The following DSCAM variants were observed in gnomAD, a reference collection of about 807,000 sequenced individuals.
DSCAM encodes the protein cell adhesion molecule DSCAM.
Under a neutral mutation model 217.7 loss-of-function variants are expected in DSCAM, and 47 were observed. The ratio of observed to expected loss-of-function variants is 0.22; its 90% CI spans 0.17 to 0.28. DSCAM has a LOEUF of 0.28. DSCAM is among the 10% of genes least tolerant of loss of function. DSCAM has a pLI of 1.00. For missense variants in DSCAM, 2,080 were observed against 2,618.3 expected (o/e 0.79, Z 4.49); for synonymous variants, 1,056 against 1,015.3 (o/e 1.04, Z -0.76).
intron 9 of DSCAM, among the ~76,000 whole-genome samples, chr21:40,304,656 C>T (rs1369303174): frequency 6.6e-6 from 1 of 152,176 alleles, no homozygotes; most frequent in Non-Finnish European, 1.5e-5. Flanking sequence ...CTCACTGAAA[C>T]ACCGGAGACT....
At chr21:40,631,350 C>G (rs886789231) in intron 3 of DSCAM, among the ~76,000 whole-genome samples, 2 of 152,182 alleles carry the variant, frequency 1.3e-5, no homozygotes, top group African/African-American at 4.8e-5. Flanking sequence ...GATTCCTTTC[C>G]CTAGCTGTCA....
chr21:40,676,552 TTTG>T (rs2090341739), intron 3 of DSCAM, among the ~76,000 whole-genome samples: 2 of 152,194 alleles, frequency 1.3e-5, no homozygotes, highest in Non-Finnish European at 2.9e-5. Flanking sequence ...TGCTTGTTTT[TTTG>T]TTTTGTTTTG....
At chr21:40,244,120 C>T (rs1213594003) in intron 11 of DSCAM, among the ~76,000 whole-genome samples, 3 of 152,156 alleles carry the variant, frequency 2.0e-5, no homozygotes, top group Non-Finnish European at 4.4e-5. Flanking sequence ...TATCTTATGA[C>T]TTTTATCATA....
At chr21:40,134,122 C>T (rs1301091979) in intron 18 of DSCAM, 113 bp from the exon 19 acceptor site, 6 of 1,327,716 alleles carry the variant, frequency 4.5e-6, no homozygotes, top group Non-Finnish European at 6.1e-6. Context: ...GTCCAGCCAT[C>T]ATCTGGACAC....
At chr21:40,403,738 T>C (rs935108358) in intron 3 of DSCAM, among the ~76,000 whole-genome samples, 3 of 151,766 alleles carry the variant, frequency 2.0e-5, no homozygotes, top group African/African-American at 7.3e-5. Flanking sequence ...CAAAAGAAGA[T>C]AGTTGAGCCT....
At chr21:40,458,548 A>G (rs1466477391) in intron 3 of DSCAM, among the ~76,000 whole-genome samples, 1 of 152,198 alleles carries the variant, frequency 6.6e-6, no homozygotes, top group Non-Finnish European at 1.5e-5. Flanking sequence ...GCATGAGGAA[A>G]GCAAAAGGAA....
intron 10 of DSCAM, among the ~76,000 whole-genome samples, chr21:40,285,140 G>C (rs1040632422): frequency 1.3e-5 from 2 of 152,110 alleles, no homozygotes; most frequent in Non-Finnish European, 1.5e-5. Context: ...TTCAGCACTC[G>C]TCAAGGGGTC....
chr21:40,822,978 C>A (rs1040153660), intron 1 of DSCAM, among the ~76,000 whole-genome samples: 1 of 152,006 alleles, frequency 6.6e-6, no homozygotes, highest in Non-Finnish European at 1.5e-5. Context: ...GGCGAAACCC[C>A]GTCTCTACTA....
At chr21:40,300,139 G>A (rs1186212390) in intron 9 of DSCAM, among the ~76,000 whole-genome samples, 3 of 152,028 alleles carry the variant, frequency 2.0e-5, no homozygotes, top group Non-Finnish European at 2.9e-5. Flanking sequence ...AACCTCCTGA[G>A]CTATTTCACC....
At chr21:40,538,377 G>C (rs1331156565) in intron 3 of DSCAM, among the ~76,000 whole-genome samples, 1 of 152,128 alleles carries the variant, frequency 6.6e-6, no homozygotes, top group Non-Finnish European at 1.5e-5. Flanking sequence ...GGAGCTGTTG[G>C]CTTCAACCAA....
At chr21:40,185,145 G>A (rs752214890) in intron 14 of DSCAM, among the ~76,000 whole-genome samples, 13 of 152,170 alleles carry the variant, frequency 8.5e-5, no homozygotes, top group Admixed American at 2.0e-4. Context: ...AGTAATCATA[G>A]AGATACATAT....
rs191430016 is a variant in DSCAM, at chr21:40,317,812, C to T, written c.1784-5453G>A. On this transcript the variant is annotated intron_variant, in intron 8 of 32. Coordinates refer to ENST00000400454, the MANE Select transcript of DSCAM (RefSeq NM_001389.5). ...CCTCCCAAAGTGCTGGGATTATAGG[C>T]GTGAGCCACCGAGCCTGGATGTCTT... Among the ~76,000 whole-genome samples the T allele has an allele frequency of 1.3e-3, 204 of 152,260 alleles. 2 individuals are homozygous for T. In the Middle Eastern group the frequency reaches 0.014, roughly 10 times the overall value.
chr21:40,572,912 A>T (rs968943446), intron 3 of DSCAM, among the ~76,000 whole-genome samples: 78 of 152,342 alleles, frequency 5.1e-4, no homozygotes, highest in African/African-American at 1.7e-3. Context: ...TTACATAATT[A>T]TCTCTAATAG....
chr21:40,197,812 A>G (rs1015704238), intron 11 of DSCAM, among the ~76,000 whole-genome samples: 1 of 152,206 alleles, frequency 6.6e-6, no homozygotes, highest in Non-Finnish European at 1.5e-5. Context: ...TTTACCTATA[A>G]TTACCTAGGA....
In DSCAM at chr21:40,686,207, C is replaced by CCA. The variant is rs758916251; in HGVS notation, c.508+6601_508+6602dup. Among the ~76,000 whole-genome samples the CCA allele has an allele frequency of 8.2e-3, 1,043 of 126,492 alleles. 18 individuals carry two copies. Among genetic ancestry groups the CCA allele is most frequent in the African/African-American group, 0.025 (902 of 35,502 alleles). The allele number at this position is 126,492 out of a possible 152,430, so 83.0% of individuals were successfully genotyped here. On this transcript the variant is annotated intron_variant, in intron 3 of 32. Coordinates refer to ENST00000400454, the MANE Select transcript of DSCAM (RefSeq NM_001389.5). ...GCACACACACCACATAGCACGTACTCCACACACACACACACACACACAGAG... is the reference window on the plus strand; with the variant it reads ...GCACACACACCACATAGCACGTACTCCACACACACACACACACACACACAGAG...
intron 32 of DSCAM, among the ~76,000 whole-genome samples, chr21:40,037,172 T>C (rs62235616): frequency 0.16 from 23,456 of 147,196 alleles, 2,122 homozygotes; most frequent in Middle Eastern, 0.22. Flanking sequence ...CCAGGGCAAT[T>C]AGGCAGGAGA....
At position 40,016,666 on chromosome 21, in the gene DSCAM, C is replaced by A. The variant is rs979875927; in HGVS notation, c.5687-3280G>T. On this transcript the variant is annotated intron_variant, in intron 32 of 32. Coordinates refer to ENST00000400454, the MANE Select transcript of DSCAM (RefSeq NM_001389.5). This position sits in a 1 kb window ranked among gnomAD's most constrained non-coding sequence, Gnocchi z 4.3. Reference sequence around the variant, plus strand: ...CCCCGAAGGTGCAGGCTGAGGGGATCTGAGACCACCTGAGCCAAGTGAGGG... The same window carrying A: ...CCCCGAAGGTGCAGGCTGAGGGGATATGAGACCACCTGAGCCAAGTGAGGG... Among the ~76,000 whole-genome samples, 2 of 152,212 alleles carry A rather than the reference C, an allele frequency of 1.3e-5. No individual in the cohort carries two copies. Among genetic ancestry groups the A allele is most frequent in the African/African-American group, 2.4e-5 (1 of 41,456 alleles).
intron 1 of DSCAM, among the ~76,000 whole-genome samples, chr21:40,829,819 T>C (rs2091998530): frequency 1.3e-5 from 2 of 152,184 alleles, no homozygotes; most frequent in East Asian, 3.9e-4. Context: ...AGGCCACAAG[T>C]GCTTGGCAAT....
intron 1 of DSCAM, among the ~76,000 whole-genome samples, chr21:40,763,037 C>T (rs1399639723): frequency 6.6e-6 from 1 of 152,094 alleles, no homozygotes; most frequent in Non-Finnish European, 1.5e-5. Context: ...TGGCACAAGA[C>T]AAGGATGCCC....
Sources: gnomAD v4.1 joint callset for allele counts (sites outside exome capture counted in the v4.1 genomes callset) on GRCh38, gnomAD v4.1.1 for gene constraint, Gnocchi (gnomAD v3.1) non-coding constraint, MANE v1.5 for transcripts, NCBI Gene and HGNC (gene_info 2026-07-23, HGNC 2026-07-21) for gene names.